Variants in CCDC88B observed in about 807,000 individuals in gnomAD.
CCDC88B encodes coiled-coil domain-containing protein 88B.
CCDC88B carries 138 observed loss-of-function variants against 183.7 expected under a neutral mutation model. The observed-to-expected ratio is 0.75, with a 90% confidence interval of 0.65 to 0.87. The LOEUF (loss-of-function observed/expected upper bound fraction) is 0.87, where lower values mean the gene tolerates loss of function less well. Ranked by LOEUF, CCDC88B falls within the 40% of genes least tolerant of loss-of-function variation. The pLI is 0.00. For synonymous variants in CCDC88B, 835 were observed against 867.5 expected (o/e 0.96, Z 0.66); for missense variants, 1,822 against 1,965.6 (o/e 0.93, Z 1.38).
chr11:64,357,093 G>A lies in CCDC88B; in HGVS notation c.4430G>A (p.Ter1477=). The A allele has an allele frequency of 6.2e-7, 1 of 1,613,038 alleles. No individual in the cohort carries two copies. The highest frequency in any genetic ancestry group is 8.5e-7 in the Non-Finnish European group (1 of 1,179,366). ...KRPLTPSLSQ[*] is the part of the protein sequence containing the mutation. ...CCCCTCACCCCATCCCTCAGCCAGT[G>A]ACACCGTGGGAACAGCAGGCTTGGG... The change falls in exon 27 of 27, where the codon TGA becomes TAA. Residue 1477 remains the stop codon, a stop_retained_variant. Coordinates refer to ENST00000356786, the MANE Select transcript of CCDC88B (RefSeq NM_032251.6).
In CCDC88B at chr11:64,344,930, G is replaced by A; in HGVS notation, c.2389G>A (p.Val797Met). 6.4e-7 allele frequency: 1 copy of A among 1,564,466 alleles called. No homozygotes were observed. Among genetic ancestry groups the A allele is most frequent in the Non-Finnish European group, 8.7e-7 (1 of 1,155,050 alleles). ...GGAGCAAGCCCGGCTGCGGGAGGCA[G>A]TGGAGGCTGCTGGCCAGGAGCTGGA... ...AWEQARLREA[V>M]EAAGQELESA... Residue 797 changes from valine to methionine, a missense_variant, in exon 14 of 27, where the codon GTG becomes ATG. Transcript: ENST00000356786. This position sits in a 1 kb window ranked among gnomAD's most constrained non-coding sequence, Gnocchi z 4.5.
Position 64,355,326 on chromosome 11 carries a change from C to A in CCDC88B, c.4232C>A (p.Pro1411His). Residue 1411 changes from proline to histidine, a missense_variant, in exon 25 of 27, where the codon CCT becomes CAT. By Grantham distance (77) the Pro-to-His change is moderately conservative. Coordinates refer to ENST00000356786, the MANE Select transcript of CCDC88B (RefSeq NM_032251.6). ...GGGCGAAGCTCTGAGTCATTCAGCCCTGGGGACACCCCTAGGCAACGATTC... is the reference window on the plus strand; with the variant it reads ...GGGCGAAGCTCTGAGTCATTCAGCCATGGGGACACCCCTAGGCAACGATTC... ...PVGRSSESFSPGDTPRQRFRQ... is the reference protein window; with the variant it reads ...PVGRSSESFSHGDTPRQRFRQ... 6.3e-7 allele frequency: 1 copy of A among 1,595,892 alleles called. No individual in the cohort carries two copies. The highest frequency in any genetic ancestry group is 1.1e-5 in the South Asian group (1 of 88,748).
At chr11:64,354,212 C>T (rs1345149514) in intron 24 of CCDC88B, 42 bp downstream of exon 24, 14 of 1,307,392 alleles carry the variant, frequency 1.1e-5, no homozygotes, top group African/African-American at 1.5e-5. Flanking sequence ...CCCTGCCCCA[C>T]ATCCTCTGTC....
chr11:64,342,265 G>C, intron 8 of CCDC88B, 29 bp from the exon 9 acceptor site: 1 of 1,574,074 alleles, frequency 6.4e-7, no homozygotes, highest in Non-Finnish European at 8.6e-7. Context: ...TGGGCCCCCA[G>C]ACCCTCCCTA....
At chr11:64,347,393 A>G (rs534277601) in intron 14 of CCDC88B, among the ~76,000 whole-genome samples, 9 of 152,348 alleles carry the variant, frequency 5.9e-5, no homozygotes, top group African/African-American at 1.9e-4. Flanking sequence ...TGAGATTGCA[A>G]CACAGGTAGG....
rs1047290992 is a variant in CCDC88B at position 64,341,187 on chromosome 11, C to G, written c.388+9C>G. 3.1e-6 allele frequency: 5 copies of G among 1,613,978 alleles called. No individual in the cohort carries two copies. The African/African-American group carries it at 6.7e-5, about 22-fold the overall frequency. On this transcript the variant is annotated intron_variant, in intron 4 of 26. Transcript: ENST00000356786. Reference sequence around the variant, plus strand: ...ATTTGACCCTCTCTCAGGTGCTCTCCCCACCCACACCCTCCTGCCTCTGCC... The same window carrying G: ...ATTTGACCCTCTCTCAGGTGCTCTCGCCACCCACACCCTCCTGCCTCTGCC...
At chr11:64,350,667 C>A in intron 16 of CCDC88B, 1 of 152,172 alleles carries the variant, frequency 6.6e-6, no homozygotes. Flanking sequence ...GCCCGGGTGA[C>A]AGAGTGTGAC....
chr11:64,349,413 T>G lies in CCDC88B; in HGVS notation c.2699T>G (p.Leu900Arg). ...HLQRELEQAALERQEFLREKE... is the reference protein window; with the variant it reads ...HLQRELEQAARERQEFLREKE... ...CAGCGTGAGCTGGAGCAGGCGGCTC[T>G]CGAGCGCCAGGAATTTCTGCGAGAA... is the stretch of plus-strand genomic sequence containing the variant. The change falls in exon 15 of 27, where the codon CTC becomes CGC. Residue 900 changes from leucine (L) to arginine (R), a missense_variant. Transcript: ENST00000356786. The G allele has an allele frequency of 6.2e-7, 1 of 1,612,970 alleles. No individual in the cohort carries two copies. Among genetic ancestry groups the G allele is most frequent in the South Asian group, 1.1e-5 (1 of 91,000 alleles).
At position 64,341,117 on chromosome 11, in the gene CCDC88B, G is replaced by T. The variant is rs751026472; in HGVS notation, c.327G>T (p.Leu109=). Residue 109 remains leucine, a synonymous_variant, in exon 4 of 27, where the codon CTG becomes CTT. Transcript: ENST00000356786. ...TGCCTCTCTGCCTCCAGGAGGAGCT[G>T]CAGCTGCTGATCCTGTCGCCACCCC... ...GRLRDFYQEE[L]QLLILSPPPD... is the part of the protein sequence containing the mutation. The T allele has an allele frequency of 5.6e-6, 9 of 1,613,980 alleles. No homozygotes were observed. The African/African-American group carries it at 9.3e-5, about 17-fold the overall frequency.
chr11:64,344,421 G>T lies in CCDC88B; in HGVS notation c.1880G>T (p.Arg627Ile). 6.3e-7 allele frequency: 1 copy of T among 1,592,048 alleles called. No homozygotes were observed. Among genetic ancestry groups the T allele is most frequent in the Non-Finnish European group, 8.5e-7 (1 of 1,169,634 alleles). The change falls in exon 14 of 27, where the codon AGA becomes ATA. Residue 627 changes from arginine (R) to isoleucine (I), a missense_variant. Arg to Ile is a moderately conservative substitution (Grantham distance 97, BLOSUM62 -3). Coordinates refer to ENST00000356786, the MANE Select transcript of CCDC88B (RefSeq NM_032251.6). The surrounding 1 kb of genome is among the most constrained non-coding windows in gnomAD (Gnocchi z 4.5). Reference protein sequence around the residue: ...PQLLGGETEGREAPQGELVPE... With the variant: ...PQLLGGETEGIEAPQGELVPE... ...TTGCTGGGAGGAGAGACAGAGGGAA[G>T]AGAGGCTCCCCAAGGCGAGTTGGTG...
chr11:64,354,588 C>G (rs190067102), intron 24 of CCDC88B, among the ~76,000 whole-genome samples: 7 of 151,926 alleles, frequency 4.6e-5, no homozygotes, highest in East Asian at 3.9e-4. Flanking sequence ...GCTTCTCCCC[C>G]ACCTCTGCAC....
Position 64,357,209 on chromosome 11 carries a change from C to A in CCDC88B, c.*115C>A. 7.8e-7 allele frequency: 1 copy of A among 1,275,206 alleles called. No individual in the cohort carries two copies. Among genetic ancestry groups the A allele is most frequent in the Non-Finnish European group, 1.1e-6 (1 of 874,834 alleles). The allele number at this position is 1,275,206 out of a possible 1,614,324, so 79.0% of individuals were successfully genotyped here. ...AGGGACCCCAAGGGGAGTCCTTGGA[C>A]AAGGAGGCCTGGGCCCTGAGATCCT... is the stretch of plus-strand genomic sequence containing the variant. On this transcript the variant is annotated 3_prime_UTR_variant, in exon 27 of 27. Transcript: ENST00000356786.
chr11:64,342,393 C>T lies in CCDC88B; in HGVS notation c.903+18C>T, dbSNP rs1472500632. ...GCCAGGAGGTGCGCTCACATGCTCCCCGCCACCGCGGCATTCCCTAACCTC... is the reference window on the plus strand; with the variant it reads ...GCCAGGAGGTGCGCTCACATGCTCCTCGCCACCGCGGCATTCCCTAACCTC... On this transcript the variant is annotated intron_variant, in intron 9 of 26. Coordinates refer to ENST00000356786, the MANE Select transcript of CCDC88B (RefSeq NM_032251.6). 2 of 1,564,104 alleles carry T rather than the reference C, an allele frequency of 1.3e-6. No homozygotes were observed. The highest frequency in any genetic ancestry group is 1.7e-6 in the Non-Finnish European group (2 of 1,155,084).
At position 64,341,703 on chromosome 11, in the gene CCDC88B, A is replaced by C; in HGVS notation, c.636A>C (p.Thr212=). ...LEMLSRSLMG[T]LSKLARERDL... ...TGCTGTCCCGGAGCCTGATGGGGAC[A>C]CTGTCGAAGCTGGCACGGGAGCGTG... The change falls in exon 7 of 27, where the codon ACA becomes ACC. Residue 212 remains threonine (T), a synonymous_variant. Coordinates refer to ENST00000356786, the MANE Select transcript of CCDC88B (RefSeq NM_032251.6). 6.2e-7 allele frequency: 1 copy of C among 1,600,602 alleles called. No homozygotes were observed. The highest frequency in any genetic ancestry group is 8.5e-7 in the Non-Finnish European group (1 of 1,174,572).
chr11:64,354,277 T>TCAGGGAAGGCCAA, intron 24 of CCDC88B, 107 bp downstream of exon 24: 1 of 972,490 alleles, frequency 1.0e-6, no homozygotes, highest in Non-Finnish European at 1.3e-6. Context: ...CCCATTGGCC[T>TCAGGGAAGGCCAA]TCCCTGAGGC....
chr11:64,346,889 G>C (rs2036133094), intron 14 of CCDC88B, among the ~76,000 whole-genome samples: 1 of 151,852 alleles, frequency 6.6e-6, no homozygotes, highest in Non-Finnish European at 1.5e-5. Context: ...CCACCTCCCA[G>C]GTTCAAGCGA....
rs767314436 is a variant in CCDC88B at position 64,353,302 on chromosome 11, T to C, written c.3688-49T>C. The C allele has an allele frequency of 6.9e-6, 11 of 1,597,548 alleles. No homozygotes were observed. In the African/African-American group the frequency reaches 1.3e-4, roughly 19 times the overall value. ...GTGGGGCAGAAAGCCTAGACCCAGG[T>C]GGTCCTGAGCTGGGTCCCACCCTCC... On this transcript the variant is annotated intron_variant, in intron 21 of 26. Coordinates refer to ENST00000356786, the MANE Select transcript of CCDC88B (RefSeq NM_032251.6).
At position 64,344,460 on chromosome 11, in the gene CCDC88B, G is replaced by C. The variant is rs763452352; in HGVS notation, c.1919G>C (p.Gly640Ala). ...GGCGAGTTGGTGCCTGAGGCCTGGG[G>C]GTTGAGACAGGAGGGCCCTGAGCAC... is the stretch of plus-strand genomic sequence containing the variant. ...PQGELVPEAW[G>A]LRQEGPEHKP... is the part of the protein sequence containing the mutation. The change falls in exon 14 of 27, where the codon GGG (glycine) becomes GCG (alanine). Residue 640 changes from glycine (G) to alanine (A), a missense_variant. Transcript: ENST00000356786. The surrounding 1 kb of genome is among the most constrained non-coding windows in gnomAD (Gnocchi z 4.5). The C allele has an allele frequency of 6.3e-7, 1 of 1,595,496 alleles. No homozygotes were observed. Among genetic ancestry groups the C allele is most frequent in the South Asian group, 1.1e-5 (1 of 89,276 alleles).
chr11:64,343,176 C>T lies in CCDC88B; in HGVS notation c.1063-3C>T. On this transcript the variant is annotated splice_region_variant and splice_polypyrimidine_tract_variant and intron_variant, in intron 10 of 26. Coordinates refer to ENST00000356786, the MANE Select transcript of CCDC88B (RefSeq NM_032251.6). ...CTACCGGTTCTCCCTGCTCTCCCAC[C>T]AGGAGGAGCGGGTGCTCTCGGGGGT... 1 of 1,527,294 alleles carries T rather than the reference C, an allele frequency of 6.5e-7. No homozygotes were observed. The highest frequency in any genetic ancestry group is 8.8e-7 in the Non-Finnish European group (1 of 1,135,554). The allele number at this position is 1,527,294 out of a possible 1,614,324, so 94.6% of individuals were successfully genotyped here. A position where few individuals can be genotyped will look rare whatever the true frequency, so the allele number is the denominator to read the frequency against.
Sources: gnomAD v4.1 joint callset for allele counts (sites outside exome capture counted in the v4.1 genomes callset) on GRCh38, gnomAD v4.1.1 for gene constraint, Gnocchi (gnomAD v3.1) non-coding constraint, MANE v1.5 for transcripts, NCBI Gene and HGNC (gene_info 2026-07-23, HGNC 2026-07-21) for gene names.